MTCL1: variants seen among roughly 807,000 people sequenced by gnomAD.
The protein encoded by MTCL1 is microtubule cross-linking factor 1.
MTCL1 carries 79 observed loss-of-function variants against 141.4 expected under a neutral mutation model. The ratio of observed to expected loss-of-function variants is 0.56; its 90% CI spans 0.47 to 0.67. The LOEUF (loss-of-function observed/expected upper bound fraction) is 0.67. Ranked by LOEUF, MTCL1 falls within the 30% of genes least tolerant of loss-of-function variation. The pLI, the probability that MTCL1 is intolerant of heterozygous loss-of-function variation, is 0.00. For missense variants in MTCL1, 2,177 were observed against 2,113.9 expected (o/e 1.03, Z -0.59); for synonymous variants, 914 against 875.8 (o/e 1.04, Z -0.77).
At position 8,794,239 on chromosome 18, in the gene MTCL1, A is replaced by G. The variant is rs112347424; in HGVS notation, c.2010+1119A>G. ...TTATCACTGAAGATGCTGCTAGCACAGTGTCCATGGCCCACGTGTTTCTAG... is the reference window on the plus strand; with the variant it reads ...TTATCACTGAAGATGCTGCTAGCACGGTGTCCATGGCCCACGTGTTTCTAG... On this transcript the variant is annotated intron_variant, in intron 8 of 16. Coordinates refer to ENST00000359865, the Ensembl canonical transcript of MTCL1. Among the ~76,000 whole-genome samples the G allele has an allele frequency of 7.0e-3, 1,061 of 152,364 alleles. 14 individuals are homozygous for G. The highest frequency in any genetic ancestry group is 0.024 in the African/African-American group (986 of 41,596).
intron 4 of MTCL1, among the ~76,000 whole-genome samples, chr18:8,755,752 G>A (rs1345665844): frequency 1.3e-5 from 2 of 152,248 alleles, no homozygotes; most frequent in Non-Finnish European, 1.5e-5. Context: ...AGTGGGGCAC[G>A]GAGGAGGATG....
At chr18:8,713,945 TA>T (rs1223307506), upstream of MTCL1, among the ~76,000 whole-genome samples, 1 of 152,120 alleles carries the variant, frequency 6.6e-6, no homozygotes, top group African/African-American at 2.4e-5. Flanking sequence ...TCTGTCTCTT[TA>T]AAAAAAGCGG....
intron 7 of MTCL1, chr18:8,789,428 C>G (rs776057229): frequency 2.7e-5 from 27 of 985,290 alleles, no homozygotes; most frequent in African/African-American, 3.5e-5. Context: ...CCATGAAAAG[C>G]CTTCCTTTTC....
chr18:8,784,725 A>G (rs3744979), exon 6 of MTCL1: 246,190 of 1,613,998 alleles, frequency 0.15, 19,908 homozygotes, highest in East Asian at 0.28. Context: ...CGCATTGGGG[A>G]TGGCCTATCC....
chr18:8,778,525 A>C (rs1170295646), intron 5 of MTCL1, among the ~76,000 whole-genome samples: 2 of 152,168 alleles, frequency 1.3e-5, no homozygotes, highest in Admixed American at 6.5e-5. Context: ...AGAGAGACAC[A>C]ATGAGTCGGG....
rs753398593 is a variant in MTCL1 at position 8,779,119 on chromosome 18, G to A, written c.417+1227G>A. Among the ~76,000 whole-genome samples the A allele has an allele frequency of 1.3e-5, 2 of 152,250 alleles. No individual in the cohort carries two copies. Among genetic ancestry groups the A allele is most frequent in the Non-Finnish European group, 1.5e-5 (1 of 68,040 alleles). On this transcript the variant is annotated intron_variant, in intron 5 of 16. Transcript: ENST00000359865. The surrounding 1 kb of genome is among the most constrained non-coding windows in gnomAD (Gnocchi z 4.1). Reference sequence around the variant, plus strand: ...TGGCGCCCCGGCGCAAGGTAGGCACGTGGGCAGTCACCCGCTCAGGGTGCT... The same window carrying A: ...TGGCGCCCCGGCGCAAGGTAGGCACATGGGCAGTCACCCGCTCAGGGTGCT...
chr18:8,726,297 T>C (rs1164347540), intron 4 of MTCL1, among the ~76,000 whole-genome samples: 1 of 146,450 alleles, frequency 6.8e-6, no homozygotes, highest in African/African-American at 2.5e-5. Flanking sequence ...TTTTTTTTTT[T>C]TTTTTTTTTG....
intron 3 of MTCL1, 133 bp downstream of exon 2, chr18:8,718,781 T>C: frequency 2.6e-6 from 2 of 770,938 alleles, no homozygotes; most frequent in Non-Finnish European, 4.3e-6. Flanking sequence ...TTGGTTTGCT[T>C]TATGGCTTAT....
At chr18:8,706,894 A>G (rs2096060994) in intron 1 of MTCL1, among the ~76,000 whole-genome samples, 181 bp downstream of exon 1, 1 of 152,214 alleles carries the variant, frequency 6.6e-6, no homozygotes, top group Non-Finnish European at 1.5e-5. Context: ...AAGGAGAAGC[A>G]AGACCTGTGG....
chr18:8,770,203 T>G (rs1202243446), intron 4 of MTCL1, among the ~76,000 whole-genome samples: 1 of 152,230 alleles, frequency 6.6e-6, no homozygotes, highest in African/African-American at 2.4e-5. Context: ...TAGGGGATCT[T>G]GAAACATTAC....
intron 4 of MTCL1, among the ~76,000 whole-genome samples, chr18:8,727,605 T>C (rs2096224273): frequency 6.6e-6 from 1 of 152,220 alleles, no homozygotes; most frequent in African/African-American, 2.4e-5. Context: ...GAGAAATGTC[T>C]GTTCATGTCC....
At chr18:8,831,576 G>A in intron 16 of MTCL1, 31 bp from the exon 15 acceptor site, 1 of 1,547,764 alleles carries the variant, frequency 6.5e-7, no homozygotes, top group South Asian at 1.2e-5. Context: ...GCCGGTCTGA[G>A]TAACCCTGTC....
intron 16 of MTCL1, 142 bp from the exon 15 acceptor site, chr18:8,831,465 A>G: frequency 1.4e-6 from 2 of 1,444,500 alleles, no homozygotes; most frequent in East Asian, 2.5e-5. Context: ...CTGCATGAGC[A>G]TAGAAAGTAG....
rs114594175 is a variant in MTCL1 at position 8,709,876 on chromosome 18, G to A, written c.1053+3163G>A. Among the ~76,000 whole-genome samples the A allele has an allele frequency of 4.9e-3, 742 of 152,108 alleles. 7 individuals are homozygous for A. Among genetic ancestry groups the A allele is most frequent in the African/African-American group, 0.017 (716 of 41,490 alleles). ...TTTTTTTGAGACGGAGTCTTGCTTT[G>A]TCGTGCAGGCTGGAATGCAGTGGCG... On this transcript the variant is annotated intron_variant, in intron 1 of 13. Transcript: ENST00000306329.
chr18:8,716,983 C>T (rs920387161), upstream of MTCL1, among the ~76,000 whole-genome samples: 22 of 152,152 alleles, frequency 1.4e-4, no homozygotes, highest in Admixed American at 5.9e-4. Flanking sequence ...AAGCTTTCAT[C>T]ACTGGGCTGC....
intron 9 of MTCL1, among the ~76,000 whole-genome samples, chr18:8,797,646 C>T (rs2075972932): frequency 6.6e-6 from 1 of 152,176 alleles, no homozygotes; most frequent in African/African-American, 2.4e-5. Flanking sequence ...AGTTCTCATC[C>T]TAGGAATGGG....
intron 4 of MTCL1, among the ~76,000 whole-genome samples, chr18:8,725,772 T>C (rs2096204203): frequency 9.8e-6 from 1 of 101,600 alleles, no homozygotes; most frequent in Non-Finnish European, 1.8e-5. Flanking sequence ...TTTGGTGCCA[T>C]TTTCTTTTTT....
chr18:8,770,523 G>A (rs1490589998), intron 4 of MTCL1, among the ~76,000 whole-genome samples: 1 of 152,188 alleles, frequency 6.6e-6, no homozygotes, highest in Non-Finnish European at 1.5e-5. Flanking sequence ...GTCTTACAAG[G>A]ACGCTAATCC....
exon 1 of MTCL1, chr18:8,706,681 G>A (rs2096059545): frequency 1.3e-6 from 2 of 1,546,318 alleles, no homozygotes; most frequent in Admixed American, 2.0e-5. Flanking sequence ...GCGGGAGATG[G>A]AGGAGCTGCG....
Sources: allele counts gnomAD v4.1 joint callset (sites outside exome capture counted in the v4.1 genomes callset), GRCh38; gene constraint gnomAD v4.1.1; non-coding constraint Gnocchi (gnomAD v3.1); transcripts MANE v1.5; gene names NCBI Gene and HGNC (gene_info 2026-07-23, HGNC 2026-07-21).